Variants in GABRG3 observed in about 807,000 individuals in gnomAD.
The protein encoded by GABRG3 is gamma-aminobutyric acid type A receptor subunit gamma3, also known as gamma-aminobutyric acid receptor subunit gamma-3.
A neutral mutation model predicts 48.8 loss-of-function variants in GABRG3; 25 were observed. That is an observed-to-expected ratio of 0.51 (90% CI 0.37 to 0.72). GABRG3 has a LOEUF of 0.72. Among genes scored for constraint, GABRG3 ranks in the 30% least tolerant of loss-of-function variants. The pLI is 0.00. For synonymous variants in GABRG3, 227 were observed against 217.6 expected, an observed-to-expected ratio of 1.04 and a Z score of -0.38; for missense variants, 394 against 577.9, an observed-to-expected ratio of 0.68 and a Z score of 3.26.
chr15:27,397,539 C>T (rs1433934434), intron 5 of GABRG3, among the ~76,000 whole-genome samples: 6 of 152,150 alleles, frequency 3.9e-5, no homozygotes, highest in African/African-American at 1.4e-4. Flanking sequence ...ATGTACCACA[C>T]CATACTTCCT....
intron 5 of GABRG3, among the ~76,000 whole-genome samples, chr15:27,435,089 CCA>C (rs1443597787): frequency 1.3e-5 from 2 of 151,922 alleles, no homozygotes; most frequent in Admixed American, 6.6e-5. Flanking sequence ...GACCTGTGCC[CCA>C]CTTTTGTAGG....
At chr15:27,094,067 A>T (rs1296523244) in intron 3 of GABRG3, among the ~76,000 whole-genome samples, 1 of 152,146 alleles carries the variant, frequency 6.6e-6, no homozygotes, top group Non-Finnish European at 1.5e-5. Flanking sequence ...CACATGGGAG[A>T]TGCATATAGT....
intron 5 of GABRG3, among the ~76,000 whole-genome samples, chr15:27,380,414 G>T: frequency 6.7e-6 from 1 of 149,638 alleles, no homozygotes; most frequent in Non-Finnish European, 1.5e-5. Flanking sequence ...TATTTAAACT[G>T]TGTGTGTGTG....
intron 4 of GABRG3, among the ~76,000 whole-genome samples, chr15:27,327,436 C>A (rs1457222639): frequency 6.6e-6 from 1 of 152,152 alleles, no homozygotes; most frequent in Non-Finnish European, 1.5e-5. Context: ...TGGCAGCTCC[C>A]CTGGAGTGTG....
intron 3 of GABRG3, among the ~76,000 whole-genome samples, chr15:27,194,169 C>A (rs898877161): frequency 6.6e-6 from 1 of 152,024 alleles, no homozygotes; most frequent in African/African-American, 2.4e-5. Flanking sequence ...TGTGTAGAAA[C>A]TTTACTTTCA....
At chr15:27,305,066 A>G (rs1360475574) in intron 3 of GABRG3, among the ~76,000 whole-genome samples, 1 of 151,842 alleles carries the variant, frequency 6.6e-6, no homozygotes, top group Non-Finnish European at 1.5e-5. Context: ...TTATAGTACT[A>G]TCTCTGACTT....
chr15:27,397,929 C>T (rs1021853771), intron 5 of GABRG3, among the ~76,000 whole-genome samples: 3 of 151,782 alleles, frequency 2.0e-5, no homozygotes, highest in Admixed American at 6.6e-5. Context: ...CTCAGCCTCC[C>T]GAGTAGCTGG....
chr15:27,316,892 G>A (rs1236945965), intron 3 of GABRG3, among the ~76,000 whole-genome samples: 2 of 152,112 alleles, frequency 1.3e-5, no homozygotes, highest in African/African-American at 4.8e-5. Context: ...TATTTGCAGA[G>A]AATCTGAAAA....
intron 3 of GABRG3, among the ~76,000 whole-genome samples, chr15:27,142,249 C>T (rs568074107): frequency 2.6e-4 from 39 of 152,210 alleles, no homozygotes; most frequent in African/African-American, 8.7e-4. Flanking sequence ...TGTATTAGTC[C>T]GTTTTCACGC....
At position 27,059,098 on chromosome 15, in the gene GABRG3, C is replaced by G. The variant is rs147838136; in HGVS notation, c.270+32277C>G. On this transcript the variant is annotated intron_variant, in intron 3 of 9. Coordinates refer to ENST00000615808, the MANE Select transcript of GABRG3 (RefSeq NM_033223.5). ...TATAAGAACTCTGAAGTGAGCATTTCAGGCTGGCAGGCTGCCCTGGTGCCC... is the reference window on the plus strand; with the variant it reads ...TATAAGAACTCTGAAGTGAGCATTTGAGGCTGGCAGGCTGCCCTGGTGCCC... Among the ~76,000 whole-genome samples the G allele has an allele frequency of 9.3e-4, 142 of 152,340 alleles. 2 individuals carry two copies. The East Asian group carries it at 0.015, about 16-fold the overall frequency.
intron 5 of GABRG3, among the ~76,000 whole-genome samples, chr15:27,430,938 C>A (rs951936287): frequency 4.6e-5 from 7 of 151,594 alleles, no homozygotes; most frequent in Non-Finnish European, 1.5e-5. Context: ...TGCAGTAAGC[C>A]GAGATCGCTG....
chr15:27,237,514 C>A (rs764939543), intron 3 of GABRG3, among the ~76,000 whole-genome samples: 9 of 152,136 alleles, frequency 5.9e-5, no homozygotes, highest in East Asian at 1.9e-4. Context: ...AGGACCTTGA[C>A]CTGCCCCGAG....
chr15:27,088,194 A>G (rs924271396), intron 3 of GABRG3, among the ~76,000 whole-genome samples: 1 of 138,038 alleles, frequency 7.2e-6, no homozygotes, highest in Non-Finnish European at 1.5e-5. Flanking sequence ...GCAGCCTTGC[A>G]GGCGGGCTCA....
chr15:27,256,745 A>G (rs1345479805), intron 3 of GABRG3, among the ~76,000 whole-genome samples: 2 of 152,196 alleles, frequency 1.3e-5, no homozygotes, highest in East Asian at 1.9e-4. Flanking sequence ...AGATTATCCT[A>G]TCCTATGCAC....
At chr15:27,306,082 T>C in intron 3 of GABRG3, among the ~76,000 whole-genome samples, 1 of 114,832 alleles carries the variant, frequency 8.7e-6, no homozygotes, top group East Asian at 2.6e-4. Flanking sequence ...AAACATATAA[T>C]ATAAACCTAT....
chr15:27,414,808 C>T (rs993079038), intron 5 of GABRG3, among the ~76,000 whole-genome samples: 1 of 152,172 alleles, frequency 6.6e-6, no homozygotes, highest in African/African-American at 2.4e-5. Context: ...TTTCCTGCCC[C>T]GTGTTTTTCA....
chr15:27,501,013 G>A (rs576704533), intron 6 of GABRG3, among the ~76,000 whole-genome samples: 5 of 147,998 alleles, frequency 3.4e-5, no homozygotes, highest in South Asian at 4.3e-4. Flanking sequence ...GTGCAGTGGC[G>A]CGATCTCGGC....
intron 5 of GABRG3, among the ~76,000 whole-genome samples, chr15:27,345,819 C>T (rs1298998413): frequency 1.2e-4 from 18 of 151,834 alleles, no homozygotes; most frequent in East Asian, 1.9e-4. Flanking sequence ...TTTGGGAGGC[C>T]GAGGCAGGGG....
At chr15:27,091,069 C>G (rs1365602641) in intron 3 of GABRG3, among the ~76,000 whole-genome samples, 2 of 152,188 alleles carry the variant, frequency 1.3e-5, no homozygotes, top group African/African-American at 4.8e-5. Flanking sequence ...TTGTCTCGTT[C>G]CTGTTCTTAA....
Sources: gnomAD v4.1 joint callset for allele counts (sites outside exome capture counted in the v4.1 genomes callset) on GRCh38, gnomAD v4.1.1 for gene constraint, MANE v1.5 for transcripts, NCBI Gene and HGNC (gene_info 2026-07-23, HGNC 2026-07-21) for gene names.